SIX5: variants seen among roughly 807,000 people sequenced by gnomAD.
SIX5 encodes the protein SIX homeobox 5, also known as homeobox protein SIX5.
SIX5 carries 21 observed loss-of-function variants against 37.1 expected under a neutral mutation model. The ratio of observed to expected loss-of-function variants is 0.57; its 90% CI spans 0.40 to 0.81. The LOEUF (loss-of-function observed/expected upper bound fraction) is 0.81. Ranked by LOEUF, SIX5 falls within the 40% of genes least tolerant of loss-of-function variation. The probability of loss-of-function intolerance (pLI) is 0.00; values close to 1 mark genes in which losing one functional copy is unlikely to be tolerated. For missense variants in SIX5, 1,137 were observed against 1,025.1 expected, an observed-to-expected ratio of 1.11 and a Z score of -1.49; for synonymous variants, 626 against 505.9, an observed-to-expected ratio of 1.24 and a Z score of -3.19.
Position 45,766,830 on chromosome 19 carries a change from C to A in SIX5, c.1129G>T (p.Ala377Ser). The A allele has an allele frequency of 6.5e-7, 1 of 1,549,640 alleles. No homozygotes were observed. The highest frequency in any genetic ancestry group is 8.7e-7 in the Non-Finnish European group (1 of 1,150,534). ...APPPQPSPQG[A>S]SETKTSLVLD... ...ACCAGAGAGGTCTTGGTCTCGCTGG[C>A]CCCCTGAGGGCTGGGCTGCGGTGGA... The change falls in exon 2 of 3, where the codon GCC becomes TCC. Residue 377 changes from alanine (A) to serine (S), a missense_variant. This residue lies in a region of SIX5 where 787 missense variants were observed against 621.4 expected (regional missense o/e 1.27). Transcript: ENST00000317578.
In SIX5 at chr19:45,765,778, G is replaced by A. The variant is rs140816771; in HGVS notation, c.1943C>T (p.Pro648Leu). 7.1e-5 allele frequency: 114 copies of A among 1,607,962 alleles called. No individual in the cohort carries two copies. In the African/African-American group the frequency reaches 8.1e-4, roughly 11 times the overall value. The change falls in exon 3 of 3, where the codon CCG becomes CTG. Residue 648 changes from proline to leucine, a missense_variant. By Grantham distance (98) the Pro-to-Leu change is moderately conservative. Coordinates refer to ENST00000317578, the MANE Select transcript of SIX5 (RefSeq NM_175875.5). ...PDSPGLLPNF[P>L]APPPEGLMLS... ...CATCAGCCCCTCTGGTGGGGGCGCC[G>A]GGAAGTTGGGCAGGAGGCCAGGGGA...
At chr19:45,767,400 G>C (rs539337888) in intron 1 of SIX5, among the ~76,000 whole-genome samples, 2 of 152,322 alleles carry the variant, frequency 1.3e-5, no homozygotes, top group East Asian at 3.9e-4. Flanking sequence ...CGGGTCCCCA[G>C]AGGCTGAGCT....
Position 45,766,335 on chromosome 19 carries a change from G to A in SIX5, c.1609+15C>T, listed in dbSNP as rs1022675880. The A allele has an allele frequency of 2.5e-6, 4 of 1,569,734 alleles. No homozygotes were observed. In the African/African-American group the frequency reaches 5.4e-5, roughly 21 times the overall value. On this transcript the variant is annotated intron_variant, in intron 2 of 2. Transcript: ENST00000317578. ...CCGGCTCTCACCTAGGCCTGAGGGA[G>A]GGAGATGGGGGTACCTGGGGCAGTG...
Position 45,765,680 on chromosome 19 carries a change from C to A in SIX5, c.2041G>T (p.Ala681Ser). Residue 681 changes from alanine to serine, a missense_variant, in exon 3 of 3, where the codon GCG (alanine) becomes TCG (serine). Physicochemically the swap from Ala to Ser is moderately conservative, Grantham distance 99. This residue lies in a region of SIX5 where 787 missense variants were observed against 621.4 expected (regional missense o/e 1.27). Coordinates refer to ENST00000317578, the MANE Select transcript of SIX5 (RefSeq NM_175875.5). ...GCCTGTGTCCCCAGCCCCTTTTCCG[C>A]TTCCAGCAGCCCCTCTGTTCCTGCG... ...LSAGTEGLLE[A>S]EKGLGTQAPH... 4 of 1,612,798 alleles carry A rather than the reference C, an allele frequency of 2.5e-6. No homozygotes were observed. Among genetic ancestry groups the A allele is most frequent in the African/African-American group, 1.3e-5 (1 of 75,050 alleles).
rs550402717 is a variant in SIX5 at position 45,766,569 on chromosome 19, T to A, written c.1390A>T (p.Thr464Ser). ...VPLSPPPGYP[T>S]GLSPTSPLLN... ...AGTGGGGAGGTGGGGCTCAGGCCCG[T>A]GGGATACCCCGGGGGTGGGGAGAGC... is the stretch of plus-strand genomic sequence containing the variant. The change falls in exon 2 of 3, where the codon ACG (threonine) becomes TCG (serine). Residue 464 changes from threonine to serine, a missense_variant. Around this residue, in one of 3 missense-constraint regions of SIX5, gnomAD observed 787 missense variants for 621.4 expected, o/e 1.27. Transcript: ENST00000317578. The A allele has an allele frequency of 5.8e-5, 86 of 1,474,466 alleles. No individual in the cohort carries two copies. In the South Asian group the frequency reaches 6.0e-4, roughly 10 times the overall value. 91.3% of individuals were successfully genotyped at this position (1,474,466 alleles called of 1,614,324 possible).
chr19:45,764,948 A>C lies in SIX5; in HGVS notation c.*553T>G. The C allele has an allele frequency of 5.4e-6, 1 of 186,344 alleles. No homozygotes were observed. 11.5% of individuals were successfully genotyped at this position (186,344 alleles called of 1,614,324 possible). On this transcript the variant is annotated 3_prime_UTR_variant, in exon 3 of 3. Transcript: ENST00000317578. ...ATAATGAGGACAAGGGCTTGAGTCG[A>C]GGGGAGCTGGTGAAGGAAGACCCCC...
Position 45,768,591 on chromosome 19 carries a change from C to T in SIX5, c.254G>A (p.Arg85His), listed in dbSNP as rs550357103. The T allele has an allele frequency of 5.9e-6, 8 of 1,353,412 alleles. No homozygotes were observed. The highest frequency in any genetic ancestry group is 7.5e-6 in the Non-Finnish European group (8 of 1,061,658). 83.8% of individuals were successfully genotyped at this position (1,353,412 alleles called of 1,614,324 possible). The change falls in exon 1 of 3, where the codon CGC becomes CAC. Residue 85 changes from arginine to histidine, a missense_variant. Physicochemically the swap from Arg to His is conservative, Grantham distance 29. This residue lies in a region of SIX5 where 331 missense variants were observed against 360.9 expected (regional missense o/e 0.92). Transcript: ENST00000317578. ...GCACGCCACCTGCTCGGGCGAGAAG[C>T]GGAGGCCCGTGGGCGGTTCGGAAGC... ...EAASEPPTGL[R>H]FSPEQVACVC...
In SIX5 at chr19:45,768,760, C is replaced by T. The variant is rs1373551223; in HGVS notation, c.85G>A (p.Glu29Lys). Reference protein sequence around the residue: ...VAAAAATEEEEEEARQLLQTL... With the variant: ...VAAAAATEEEKEEARQLLQTL... ...TGCAAGAGCTGGCGCGCTTCCTCCT[C>T]CTCCTCTTCGGTCGCCGCCGCCGCC... The change falls in exon 1 of 3, where the codon GAG becomes AAG. Residue 29 changes from glutamate to lysine, a missense_variant. By Grantham distance (56) the Glu-to-Lys change is moderately conservative. Transcript: ENST00000317578. The T allele has an allele frequency of 2.0e-6, 3 of 1,527,374 alleles. No individual in the cohort carries two copies. Among genetic ancestry groups the T allele is most frequent in the Admixed American group, 4.0e-5 (2 of 50,402 alleles). 94.6% of individuals were successfully genotyped at this position (1,527,374 alleles called of 1,614,324 possible).
At position 45,766,714 on chromosome 19, in the gene SIX5, T is replaced by C; in HGVS notation, c.1245A>G (p.Pro415=). 3 of 1,557,452 alleles carry C rather than the reference T, an allele frequency of 1.9e-6. No homozygotes were observed. Among genetic ancestry groups the C allele is most frequent in the Non-Finnish European group, 2.6e-6 (3 of 1,153,660 alleles). The part of the protein sequence containing the change: ...TKGAQVAAPG[P]ALGEEVLGPL... ...GCCCCAGGACCTCCTCTCCAAGGGC[T>C]GGTCCCGGAGCAGCCACCTGGGCCC... is the stretch of plus-strand genomic sequence containing the variant. Residue 415 remains proline, a synonymous_variant, in exon 2 of 3, where the codon CCA becomes CCG. Coordinates refer to ENST00000317578, the MANE Select transcript of SIX5 (RefSeq NM_175875.5).
At chr19:45,766,275 C>A (rs1367261480) in intron 2 of SIX5, 75 bp downstream of exon 2, 2 of 1,499,212 alleles carry the variant, frequency 1.3e-6, no homozygotes, top group Non-Finnish European at 9.0e-7. Flanking sequence ...AGCCCAGGGA[C>A]AGCCCCTCCC....
In SIX5 at chr19:45,765,539, G is replaced by A. The variant is rs754369595; in HGVS notation, c.2182C>T (p.Leu728Phe). The A allele has an allele frequency of 1.2e-6, 2 of 1,613,354 alleles. No individual in the cohort carries two copies. Among genetic ancestry groups the A allele is most frequent in the Non-Finnish European group, 8.5e-7 (1 of 1,180,028 alleles). Residue 728 changes from leucine to phenylalanine, a missense_variant, in exon 3 of 3, where the codon CTC becomes TTC. Physicochemically the swap from Leu to Phe is conservative, Grantham distance 22. This residue lies in a region of SIX5 where 787 missense variants were observed against 621.4 expected (regional missense o/e 1.27). Coordinates refer to ENST00000317578, the MANE Select transcript of SIX5 (RefSeq NM_175875.5). ...LEAEAKVLTQ[L>F]QSVPVEEPLE... ...GGCTCCTCCACAGGCACCGACTGGA[G>A]CTGGGTCAGAACCTTGGCCTCAGCT...
chr19:45,765,978 G>A lies in SIX5; in HGVS notation c.1743C>T (p.Pro581=), dbSNP rs551815324. ...CTGGCTTCAGTGGCAGGGCCAGGCC[G>A]GGGGCTGGCGGCAGGACCTGGGAGA... The part of the protein sequence containing the change: ...MLVSQVLPPA[P]GLALPLKPET... Residue 581 remains proline, a synonymous_variant, in exon 3 of 3, where the codon CCC becomes CCT. Transcript: ENST00000317578. 1.7e-5 allele frequency: 27 copies of A among 1,589,344 alleles called. No individual in the cohort carries two copies. Among genetic ancestry groups the A allele is most frequent in the Middle Eastern group, 1.7e-4 (1 of 5,976 alleles).
In SIX5 at chr19:45,767,045, A is replaced by T. The variant is rs1262285218; in HGVS notation, c.914T>A (p.Phe305Tyr). ...SAEAAAQGSI[F>Y]LAGTGPPAPC... Reference sequence around the variant, plus strand: ...CGCGGGAGGGCCGGTCCCTGCCAGGAATATGGAGCCCTGGGCAGCGGCCTC... The same window carrying T: ...CGCGGGAGGGCCGGTCCCTGCCAGGTATATGGAGCCCTGGGCAGCGGCCTC... The change falls in exon 2 of 3, where the codon TTC becomes TAC. Residue 305 changes from phenylalanine to tyrosine, a missense_variant. This residue lies in a region of SIX5 where 787 missense variants were observed against 621.4 expected (regional missense o/e 1.27). Transcript: ENST00000317578. 6.2e-7 allele frequency: 1 copy of T among 1,610,050 alleles called. No homozygotes were observed. Among genetic ancestry groups the T allele is most frequent in the Non-Finnish European group, 8.5e-7 (1 of 1,178,774 alleles).
At position 45,766,881 on chromosome 19, in the gene SIX5, G is replaced by A. The variant is rs1336020341; in HGVS notation, c.1078C>T (p.Leu360=). The stretch of plus-strand genomic sequence containing the variant: ...GGGGCACCCCCGCCCCCAGTGAGCA[G>A]CAGCGGGCCCAGGCTGGAGGCCTCG... ...LGEASSLGPL[L]LTGGGGAPPP... is the part of the protein sequence containing the mutation. The change falls in exon 2 of 3, where the codon CTG becomes TTG. Residue 360 remains leucine, a synonymous_variant. Transcript: ENST00000317578. 1.3e-6 allele frequency: 2 copies of A among 1,548,366 alleles called. No homozygotes were observed. Among genetic ancestry groups the A allele is most frequent in the South Asian group, 2.4e-5 (2 of 84,694 alleles).
Position 45,764,865 on chromosome 19 carries a change from AAGGAGACACAGCGGC to A in SIX5, c.*621_*635del, listed in dbSNP as rs1489653775. ...TAGAAAAATAAAGATTTAGGATACAAAGGAGACACAGCGGCAGGGCTGCCCCCAGGGATGAGGGAA... is the reference window on the plus strand; with the variant it reads ...TAGAAAAATAAAGATTTAGGATACAAAGGGCTGCCCCCAGGGATGAGGGAA... On this transcript the variant is annotated 3_prime_UTR_variant, in exon 3 of 3. Transcript: ENST00000317578. 6.2e-6 allele frequency: 1 copy of A among 160,998 alleles called. No homozygotes were observed. Among genetic ancestry groups the A allele is most frequent in the Non-Finnish European group, 1.4e-5 (1 of 72,276 alleles). 10.0% of individuals were successfully genotyped at this position (160,998 alleles called of 1,614,324 possible).
chr19:45,766,092 G>A lies in SIX5; in HGVS notation c.1629C>T (p.Asn543=), dbSNP rs768534722. 1.1e-5 allele frequency: 17 copies of A among 1,611,856 alleles called. No individual in the cohort carries two copies. In the Admixed American group the frequency reaches 1.2e-4, roughly 11 times the overall value. The part of the protein sequence containing the change: ...ATAPGNFLLA[N]PVSGSPIVTG... ...TCACGATGGGGCTGCCAGACACAGGGTTGGCCAGGAGGAAGTTTCCTGTGG... is the reference window on the plus strand; with the variant it reads ...TCACGATGGGGCTGCCAGACACAGGATTGGCCAGGAGGAAGTTTCCTGTGG... Residue 543 remains asparagine (N), a synonymous_variant, in exon 3 of 3, where the codon AAC becomes AAT. Transcript: ENST00000317578.
At position 45,765,887 on chromosome 19, in the gene SIX5, G is replaced by T. The variant is rs1400897447; in HGVS notation, c.1834C>A (p.His612Asn). The change falls in exon 3 of 3, where the codon CAC (histidine) becomes AAC (asparagine). Residue 612 changes from histidine to asparagine, a missense_variant. Physicochemically the swap from His to Asn is moderately conservative, Grantham distance 68. This residue lies in a region of SIX5 where 787 missense variants were observed against 621.4 expected (regional missense o/e 1.27). Transcript: ENST00000317578. Reference sequence around the variant, plus strand: ...TGTGCAGAAAGGGTGCCTAGGGCGTGAGCCTCTGGGAGAGCAGGGCTGGGG... The same window carrying T: ...TGTGCAGAAAGGGTGCCTAGGGCGTTAGCCTCTGGGAGAGCAGGGCTGGGG... ...VAPSPALPEA[H>N]ALGTLSAQQP... 5.7e-6 allele frequency: 9 copies of T among 1,591,680 alleles called. No individual in the cohort carries two copies. The highest frequency in any genetic ancestry group is 3.5e-5 in the Admixed American group (2 of 57,544).
Position 45,765,285 on chromosome 19 carries a change from A to G in SIX5, c.*216T>C. 1 of 683,806 alleles carries G rather than the reference A, an allele frequency of 1.5e-6. No individual in the cohort carries two copies. The highest frequency in any genetic ancestry group is 1.6e-5 in the South Asian group (1 of 61,156). 42.4% of individuals were successfully genotyped at this position (683,806 alleles called of 1,614,324 possible). The stretch of plus-strand genomic sequence containing the variant: ...CAGGGCACAGCATGGGGAGGGCTGT[A>G]ACAGAGAGGCCTCCCATCCAAAGGG... On this transcript the variant is annotated 3_prime_UTR_variant, in exon 3 of 3. Transcript: ENST00000317578.
Position 45,765,846 on chromosome 19 carries a change from G to A in SIX5, c.1875C>T (p.Ala625=), listed in dbSNP as rs754839789. ...GTLSAQQPPP[A]AATTSSTSLP... is the part of the protein sequence containing the mutation. ...GGCTGGTGCTGGAGGTGGTGGCAGC[G>A]GCGGGGGGTGGCTGCTGTGCAGAAA... The change falls in exon 3 of 3, where the codon GCC becomes GCT. Residue 625 remains alanine, a synonymous_variant. Coordinates refer to ENST00000317578, the MANE Select transcript of SIX5 (RefSeq NM_175875.5). 1.3e-5 allele frequency: 20 copies of A among 1,599,538 alleles called. No homozygotes were observed. Among genetic ancestry groups the A allele is most frequent in the Middle Eastern group, 3.3e-4 (2 of 6,058 alleles).
Sources: allele counts gnomAD v4.1 joint callset (sites outside exome capture counted in the v4.1 genomes callset), GRCh38; gene constraint gnomAD v4.1.1; regional missense constraint gnomAD v4.1.1; transcripts MANE v1.5; gene names NCBI Gene and HGNC (gene_info 2026-07-23, HGNC 2026-07-21).